Variants in L3MBTL4 observed in about 807,000 individuals in gnomAD.
L3MBTL4 encodes the protein lethal(3)malignant brain tumor-like protein 4.
In L3MBTL4, 70 loss-of-function variants were observed where a neutral mutation model predicts 84.5. The observed-to-expected ratio is 0.83, with a 90% CI of 0.68 to 1.01. The LOEUF is 1.01. L3MBTL4 is among the 50% of genes least tolerant of loss of function. L3MBTL4 has a pLI of 0.00. For missense variants in L3MBTL4, 715 were observed against 754.8 expected (o/e 0.95, Z 0.62); for synonymous variants, 274 against 259.8 (o/e 1.05, Z -0.52).
chr18:6,291,359 C>T (rs1003394040), intron 4 of L3MBTL4, among the ~76,000 whole-genome samples: 1 of 152,072 alleles, frequency 6.6e-6, no homozygotes, highest in African/African-American at 2.4e-5. Flanking sequence ...TAATTCAACC[C>T]AGTCAACCAC....
At chr18:6,290,684 T>A (rs908484915) in intron 4 of L3MBTL4, among the ~76,000 whole-genome samples, 1 of 152,044 alleles carries the variant, frequency 6.6e-6, no homozygotes, top group Non-Finnish European at 1.5e-5. Flanking sequence ...TACACCACCA[T>A]GCCCAGCTAA....
chr18:6,289,183 A>G (rs1951563527), intron 4 of L3MBTL4, among the ~76,000 whole-genome samples: 1 of 152,150 alleles, frequency 6.6e-6, no homozygotes, highest in Admixed American at 6.5e-5. Flanking sequence ...AAAAAGATTT[A>G]TAAAGAATGG....
At chr18:6,159,079 G>A (rs939824847) in intron 13 of L3MBTL4, among the ~76,000 whole-genome samples, 2 of 152,180 alleles carry the variant, frequency 1.3e-5, no homozygotes, top group Non-Finnish European at 2.9e-5. Flanking sequence ...ACCCAGGTAT[G>A]AGGCTATGCT....
At chr18:6,216,200 C>A (rs1311739298) in intron 10 of L3MBTL4, among the ~76,000 whole-genome samples, 1 of 151,806 alleles carries the variant, frequency 6.6e-6, no homozygotes, top group African/African-American at 2.4e-5. Flanking sequence ...AACCATCTGA[C>A]CTCATACCAT....
At chr18:6,342,276 T>A (rs1015134447) in intron 1 of L3MBTL4, among the ~76,000 whole-genome samples, 2 of 152,208 alleles carry the variant, frequency 1.3e-5, no homozygotes, top group Admixed American at 6.5e-5. Flanking sequence ...ACTTTTACTC[T>A]ACTATAAAAG....
At chr18:6,275,458 ATG>A in intron 4 of L3MBTL4, among the ~76,000 whole-genome samples, 1 of 152,110 alleles carries the variant, frequency 6.6e-6, no homozygotes, top group Non-Finnish European at 1.5e-5. Flanking sequence ...AAAAGTAGGG[ATG>A]TGAGGCTGGA....
intron 16 of L3MBTL4, among the ~76,000 whole-genome samples, chr18:6,022,854 A>G (rs1384562669): frequency 1.3e-5 from 2 of 152,348 alleles, no homozygotes; most frequent in African/African-American, 4.8e-5. Context: ...CCTTCTGTAC[A>G]AAGGCAGAGG....
At chr18:6,077,499 G>C (rs1405306245) in intron 16 of L3MBTL4, among the ~76,000 whole-genome samples, 1 of 152,040 alleles carries the variant, frequency 6.6e-6, no homozygotes, top group East Asian at 1.9e-4. Flanking sequence ...AAAATGATGG[G>C]TAGTCTTTAA....
At chr18:5,997,767 C>A (rs534124561) in intron 16 of L3MBTL4, among the ~76,000 whole-genome samples, 2 of 152,142 alleles carry the variant, frequency 1.3e-5, no homozygotes, top group South Asian at 2.1e-4. Flanking sequence ...GTCACCAACG[C>A]GTCCTTAACC....
chr18:6,107,471 C>G (rs963418042), intron 14 of L3MBTL4, among the ~76,000 whole-genome samples: 2 of 152,288 alleles, frequency 1.3e-5, no homozygotes, highest in South Asian at 2.1e-4. Context: ...AGGACCTGGA[C>G]AGCATGCAGG....
At chr18:5,989,916 G>A (rs1392697223) in intron 16 of L3MBTL4, among the ~76,000 whole-genome samples, 1 of 152,236 alleles carries the variant, frequency 6.6e-6, no homozygotes, top group African/African-American at 2.4e-5. Context: ...TGGAGGTGAG[G>A]GTGAGAGCGT....
intron 16 of L3MBTL4, among the ~76,000 whole-genome samples, chr18:6,015,230 G>A (rs1414344571): frequency 1.3e-5 from 2 of 152,010 alleles, no homozygotes; most frequent in Non-Finnish European, 2.9e-5. Context: ...ACTGTGTAGA[G>A]AAGACATAAG....
At chr18:6,337,566 G>C (rs1381841715) in intron 1 of L3MBTL4, among the ~76,000 whole-genome samples, 1 of 151,934 alleles carries the variant, frequency 6.6e-6, no homozygotes, top group Non-Finnish European at 1.5e-5. Flanking sequence ...CCTAAAGCAT[G>C]GGAAGTCAAG....
chr18:6,223,063 T>C (rs942152665), intron 10 of L3MBTL4, among the ~76,000 whole-genome samples: 15 of 151,818 alleles, frequency 9.9e-5, no homozygotes, highest in African/African-American at 3.6e-4. Context: ...TTTCTATGTG[T>C]TCATGAAACA....
At chr18:6,321,939 A>G (rs557497750) in intron 1 of L3MBTL4, among the ~76,000 whole-genome samples, 1 of 152,304 alleles carries the variant, frequency 6.6e-6, no homozygotes, top group South Asian at 2.1e-4. Context: ...AAAACTACAT[A>G]TTTGGTATAA....
At chr18:6,412,426 C>T (rs549540107) in intron 1 of L3MBTL4, among the ~76,000 whole-genome samples, 2 of 152,254 alleles carry the variant, frequency 1.3e-5, no homozygotes, top group South Asian at 4.2e-4. Flanking sequence ...CTTCGGCTCT[C>T]TGGAGAACAG....
chr18:6,281,322 G>A (rs142420197), intron 4 of L3MBTL4, among the ~76,000 whole-genome samples: 1 of 152,302 alleles, frequency 6.6e-6, no homozygotes, highest in East Asian at 1.9e-4. Context: ...TTGAGCTGAT[G>A]TTCAGGGAAA....
intron 4 of L3MBTL4, among the ~76,000 whole-genome samples, 167 bp downstream of exon 4, chr18:6,301,736 A>C (rs2050347392): frequency 6.6e-6 from 1 of 152,234 alleles, no homozygotes; most frequent in African/African-American, 2.4e-5. Flanking sequence ...AAAACCTTAG[A>C]TGACACTGAT....
intron 1 of L3MBTL4, among the ~76,000 whole-genome samples, chr18:6,375,769 C>T (rs1301673332): frequency 6.6e-6 from 1 of 152,082 alleles, no homozygotes; most frequent in Non-Finnish European, 1.5e-5. Flanking sequence ...TCCAATAGGA[C>T]CTGGTGACAG....
Sources: allele counts gnomAD v4.1 joint callset (sites outside exome capture counted in the v4.1 genomes callset), GRCh38; gene constraint gnomAD v4.1.1; transcripts MANE v1.5; gene names NCBI Gene and HGNC (gene_info 2026-07-23, HGNC 2026-07-21).